Variants in MON1B observed in about 807,000 individuals in gnomAD.
MON1B encodes MON1 vesicular trafficking associated B.
A neutral mutation model predicts 45.1 loss-of-function variants in MON1B; 26 were observed. The ratio of observed to expected loss-of-function variants is 0.58; its 90% CI spans 0.42 to 0.80. MON1B has a LOEUF of 0.80. Among genes scored for constraint, MON1B ranks in the 30% least tolerant of loss-of-function variants. The pLI is 0.00. For missense variants in MON1B, 737 were observed against 754.5 expected (o/e 0.98, Z 0.27); for synonymous variants, 395 against 320.2 (o/e 1.23, Z -2.49).
intron 2 of MON1B, among the ~76,000 whole-genome samples, chr16:77,192,172 C>G (rs2054621625): frequency 6.6e-6 from 1 of 152,080 alleles, no homozygotes; most frequent in Non-Finnish European, 1.5e-5. Flanking sequence ...ATGGAAGTCA[C>G]TGAGAAGTCT....
At position 77,193,810 on chromosome 16, in the gene MON1B, C is replaced by T; in HGVS notation, c.475+33C>T. ...AACAGGTGGGAGGCAGAATGGGGGACAGTGACTGGGAATATGGCTGGCACG... is the reference window on the plus strand; with the variant it reads ...AACAGGTGGGAGGCAGAATGGGGGATAGTGACTGGGAATATGGCTGGCACG... On this transcript the variant is annotated intron_variant, in intron 3 of 5. Coordinates refer to ENST00000248248, the MANE Select transcript of MON1B (RefSeq NM_014940.4). The surrounding 1 kb of genome is among the most constrained non-coding windows in gnomAD (Gnocchi z 5.0). 1 of 1,580,906 alleles carries T rather than the reference C, an allele frequency of 6.3e-7. No individual in the cohort carries two copies. The highest frequency in any genetic ancestry group is 8.6e-7 in the Non-Finnish European group (1 of 1,160,344).
At position 77,193,699 on chromosome 16, in the gene MON1B, T is replaced by A. The variant is rs778570646; in HGVS notation, c.397T>A (p.Ser133Thr). 3 of 1,614,054 alleles carry A rather than the reference T, an allele frequency of 1.9e-6. No individual in the cohort carries two copies. The highest frequency in any genetic ancestry group is 2.2e-5 in the South Asian group (2 of 91,092). The change falls in exon 3 of 6, where the codon TCG becomes ACG. Residue 133 changes from serine to threonine, a missense_variant. Transcript: ENST00000248248. This position sits in a 1 kb window ranked among gnomAD's most constrained non-coding sequence, Gnocchi z 5.0. The stretch of plus-strand genomic sequence containing the variant: ...GCGGTATGGTAGTGTGGAGGCGCTG[T>A]CGGCTACCATGGGTGTAATGACCGC... ...YSRYGSVEAL[S>T]ATMGVMTALV...
At position 77,200,163 on chromosome 16, in the gene MON1B, C is replaced by G. The variant is rs2054716525; in HGVS notation, c.*1855C>G. On this transcript the variant is annotated 3_prime_UTR_variant, in exon 6 of 6. Coordinates refer to ENST00000248248, the MANE Select transcript of MON1B (RefSeq NM_014940.4). The stretch of plus-strand genomic sequence containing the variant: ...TGACCAACATGGTGAAACACCATCT[C>G]TACTAAAAAACTATATATACATATA... The G allele has an allele frequency of 6.7e-6, 1 of 150,150 alleles. No individual in the cohort carries two copies. Among genetic ancestry groups the G allele is most frequent in the Admixed American group, 6.7e-5 (1 of 15,014 alleles). The allele number at this position is 150,150 out of a possible 1,614,324, so 9.3% of individuals were successfully genotyped here. A position where few individuals can be genotyped will look rare whatever the true frequency, so the allele number is the denominator to read the frequency against.
chr16:77,198,376 T>C lies in MON1B; in HGVS notation c.*68T>C. 6.7e-7 allele frequency: 1 copy of C among 1,500,916 alleles called. No homozygotes were observed. Among genetic ancestry groups the C allele is most frequent in the Non-Finnish European group, 9.2e-7 (1 of 1,081,498 alleles). 93.0% of individuals were successfully genotyped at this position (1,500,916 alleles called of 1,614,324 possible). A position where few individuals can be genotyped will look rare whatever the true frequency, so the allele number is the denominator to read the frequency against. ...TTTGTTTTTTACCTTCTGTCTACCC[T>C]GGAAATGTGTGTGGGGGTGTGTCTG... On this transcript the variant is annotated 3_prime_UTR_variant, in exon 6 of 6. Coordinates refer to ENST00000248248, the MANE Select transcript of MON1B (RefSeq NM_014940.4).
chr16:77,193,841 G>T lies in MON1B; in HGVS notation c.475+64G>T, dbSNP rs138584446. ...CTGGGAATATGGCTGGCACGGGTAGGTCTGTCTGCCTCAGGCACTATCCAG... is the reference window on the plus strand; with the variant it reads ...CTGGGAATATGGCTGGCACGGGTAGTTCTGTCTGCCTCAGGCACTATCCAG... On this transcript the variant is annotated intron_variant, in intron 3 of 5. Transcript: ENST00000248248. The surrounding 1 kb of genome is among the most constrained non-coding windows in gnomAD (Gnocchi z 5.0). The T allele has an allele frequency of 2.0e-6, 3 of 1,508,632 alleles. No homozygotes were observed. Among genetic ancestry groups the T allele is most frequent in the African/African-American group, 1.4e-5 (1 of 73,174 alleles). The allele number at this position is 1,508,632 out of a possible 1,614,324, so 93.5% of individuals were successfully genotyped here.
rs770649793 is a variant in MON1B at position 77,191,537 on chromosome 16, T to G, written c.52T>G (p.Leu18Val). Residue 18 changes from leucine (L) to valine (V), a missense_variant, in exon 2 of 6, where the codon TTG (leucine) becomes GTG (valine). Coordinates refer to ENST00000248248, the MANE Select transcript of MON1B (RefSeq NM_014940.4). Reference sequence around the variant, plus strand: ...CCCGGCCCCCGGGGGCGCGGAGGACTTGGAGGACACGCAGTTCCCCAGTGA... The same window carrying G: ...CCCGGCCCCCGGGGGCGCGGAGGACGTGGAGGACACGCAGTTCCCCAGTGA... ...AAPAPGGAED[L>V]EDTQFPSEEA... 1 of 1,609,930 alleles carries G rather than the reference T, an allele frequency of 6.2e-7. No individual in the cohort carries two copies. The highest frequency in any genetic ancestry group is 1.3e-5 in the African/African-American group (1 of 74,690).
At chr16:77,196,850 T>A (rs975970856) in intron 5 of MON1B, among the ~76,000 whole-genome samples, 2 of 152,194 alleles carry the variant, frequency 1.3e-5, no homozygotes, top group East Asian at 3.9e-4. Flanking sequence ...GTCTCATGGA[T>A]TTTTCTTTAA....
chr16:77,198,308 A>G lies in MON1B; in HGVS notation c.1644A>G (p.Ter548TrpextTer1). ...AAHNGLFTGL[*>W] ...ATAATGGCTTGTTCACTGGACTCTG[A>G]TAGTTGGAGCTCCCAGACCAGGCAG... Residue 548 changes from the stop codon to tryptophan (W), a stop_lost, in exon 6 of 6, where the codon TGA becomes TGG. Coordinates refer to ENST00000248248, the MANE Select transcript of MON1B (RefSeq NM_014940.4). The G allele has an allele frequency of 6.2e-7, 1 of 1,613,850 alleles. No homozygotes were observed. The highest frequency in any genetic ancestry group is 1.1e-5 in the South Asian group (1 of 91,070).
At chr16:77,192,899 T>C (rs1323134666) in intron 2 of MON1B, among the ~76,000 whole-genome samples, 1 of 151,994 alleles carries the variant, frequency 6.6e-6, no homozygotes, top group African/African-American at 2.4e-5. Flanking sequence ...GGAGAAATAG[T>C]GGACATTACC....
At chr16:77,198,048 G>A (rs2054684213) in intron 5 of MON1B, 60 bp from the exon 6 acceptor site, 1 of 1,532,978 alleles carries the variant, frequency 6.5e-7, no homozygotes, top group South Asian at 1.1e-5. Flanking sequence ...CACTGGGGTA[G>A]GCAGGATTGT....
chr16:77,201,825 T>C lies in MON1B; in HGVS notation c.*3517T>C, dbSNP rs2142510794. 6.6e-6 allele frequency: 1 copy of C among 152,274 alleles called. No individual in the cohort carries two copies. The highest frequency in any genetic ancestry group is 1.9e-4 in the East Asian group (1 of 5,182). The allele number at this position is 152,274 out of a possible 1,614,324, so 9.4% of individuals were successfully genotyped here. A position where few individuals can be genotyped will look rare whatever the true frequency, so the allele number is the denominator to read the frequency against. ...CTAATTTAAATGTATTAAAATTAAATTATAAGTTGATAGGATTATTATTGA... is the reference window on the plus strand; with the variant it reads ...CTAATTTAAATGTATTAAAATTAAACTATAAGTTGATAGGATTATTATTGA... On this transcript the variant is annotated 3_prime_UTR_variant, in exon 6 of 6. Coordinates refer to ENST00000248248, the MANE Select transcript of MON1B (RefSeq NM_014940.4).
chr16:77,195,435 G>C, intron 4 of MON1B, 100 bp from the exon 5 acceptor site: 1 of 1,386,424 alleles, frequency 7.2e-7, no homozygotes. Flanking sequence ...GAGAGGCTCA[G>C]CTCCCTAACT....
At position 77,195,557 on chromosome 16, in the gene MON1B, A is replaced by C; in HGVS notation, c.1318A>C (p.Ser440Arg). The C allele has an allele frequency of 6.2e-7, 1 of 1,613,924 alleles. No homozygotes were observed. The highest frequency in any genetic ancestry group is 8.5e-7 in the Non-Finnish European group (1 of 1,179,904). The change falls in exon 5 of 6, where the codon AGC becomes CGC. Residue 440 changes from serine to arginine, a missense_variant. By Grantham distance (110) the Ser-to-Arg change is moderately radical. Coordinates refer to ENST00000248248, the MANE Select transcript of MON1B (RefSeq NM_014940.4). ...CAGCCCTGAGCTAGAGGCCCCCTACAGCAGAGAGGAGGAGCGGCAGCGGCT... is the reference window on the plus strand; with the variant it reads ...CAGCCCTGAGCTAGAGGCCCCCTACCGCAGAGAGGAGGAGCGGCAGCGGCT... ...FTSPELEAPY[S>R]REEERQRLSD...
Position 77,198,549 on chromosome 16 carries a change from C to T in MON1B, c.*241C>T, listed in dbSNP as rs2054692337. ...GGGAAATCCTTAGGCCTCCCTCTCC[C>T]TTCCCTCTGTCTCATCTCCTCCACT... On this transcript the variant is annotated 3_prime_UTR_variant, in exon 6 of 6. Transcript: ENST00000248248. 2 of 556,296 alleles carry T rather than the reference C, an allele frequency of 3.6e-6. No homozygotes were observed. The highest frequency in any genetic ancestry group is 2.0e-5 in the South Asian group (1 of 49,376). The allele number at this position is 556,296 out of a possible 1,614,324, so 34.5% of individuals were successfully genotyped here.
intron 5 of MON1B, among the ~76,000 whole-genome samples, chr16:77,197,111 C>T (rs1270100309): frequency 6.6e-6 from 1 of 152,094 alleles, no homozygotes; most frequent in Admixed American, 6.5e-5. Context: ...CGGTGCCTCA[C>T]GCCTATAATC....
chr16:77,201,024 T>C lies in MON1B; in HGVS notation c.*2716T>C, dbSNP rs906447633. The C allele has an allele frequency of 2.6e-5, 4 of 152,148 alleles. No individual in the cohort carries two copies. The highest frequency in any genetic ancestry group is 9.7e-5 in the African/African-American group (4 of 41,440). 9.4% of individuals were successfully genotyped at this position (152,148 alleles called of 1,614,324 possible). On this transcript the variant is annotated 3_prime_UTR_variant, in exon 6 of 6. Transcript: ENST00000248248. ...GACTGCATCCTGCCAGACCTACCCA[T>C]ACAGACATCAAAGTAATGATTATTG...
chr16:77,193,817 T>C lies in MON1B; in HGVS notation c.475+40T>C. On this transcript the variant is annotated intron_variant, in intron 3 of 5. Coordinates refer to ENST00000248248, the MANE Select transcript of MON1B (RefSeq NM_014940.4). The surrounding 1 kb of genome is among the most constrained non-coding windows in gnomAD (Gnocchi z 5.0). ...GGGAGGCAGAATGGGGGACAGTGAC[T>C]GGGAATATGGCTGGCACGGGTAGGT... is the stretch of plus-strand genomic sequence containing the variant. The C allele has an allele frequency of 6.4e-7, 1 of 1,571,098 alleles. No homozygotes were observed.
At position 77,193,871 on chromosome 16, in the gene MON1B, C is replaced by A; in HGVS notation, c.475+94C>A. The stretch of plus-strand genomic sequence containing the variant: ...TCTGCCTCAGGCACTATCCAGCCAG[C>A]CAGGGTTGGGTCCATGTGTGTGGAT... On this transcript the variant is annotated intron_variant, in intron 3 of 5. Coordinates refer to ENST00000248248, the MANE Select transcript of MON1B (RefSeq NM_014940.4). The surrounding 1 kb of genome is among the most constrained non-coding windows in gnomAD (Gnocchi z 5.0). 1 of 1,338,214 alleles carries A rather than the reference C, an allele frequency of 7.5e-7. No homozygotes were observed. Among genetic ancestry groups the A allele is most frequent in the Non-Finnish European group, 1.0e-6 (1 of 984,546 alleles). 82.9% of individuals were successfully genotyped at this position (1,338,214 alleles called of 1,614,324 possible).
In MON1B at chr16:77,194,252, G is replaced by A. The variant is rs1472086573; in HGVS notation, c.476-83G>A. 1 of 1,237,276 alleles carries A rather than the reference G, an allele frequency of 8.1e-7. No individual in the cohort carries two copies. The highest frequency in any genetic ancestry group is 1.2e-5 in the South Asian group (1 of 83,040). 76.6% of individuals were successfully genotyped at this position (1,237,276 alleles called of 1,614,324 possible). On this transcript the variant is annotated intron_variant, in intron 3 of 5. Coordinates refer to ENST00000248248, the MANE Select transcript of MON1B (RefSeq NM_014940.4). This position sits in a 1 kb window ranked among gnomAD's most constrained non-coding sequence, Gnocchi z 8.1. ...CTCGGGCCTGGTGTGTGTATGGTAG[G>A]AGAGGGCAGAAGAGCCCCACTGTCT...
Sources: allele counts gnomAD v4.1 joint callset (sites outside exome capture counted in the v4.1 genomes callset), GRCh38; gene constraint gnomAD v4.1.1; non-coding constraint Gnocchi (gnomAD v3.1); transcripts MANE v1.5; gene names NCBI Gene and HGNC (gene_info 2026-07-23, HGNC 2026-07-21).